The following UMODL1 variants were observed in gnomAD, a reference collection of about 807,000 sequenced individuals.
UMODL1 encodes uromodulin-like 1.
In UMODL1, 128 loss-of-function variants were observed where a neutral mutation model predicts 136.3. The observed-to-expected ratio is 0.94, with a 90% CI of 0.81 to 1.09. The LOEUF (loss-of-function observed/expected upper bound fraction) is 1.09, where lower values mean the gene tolerates loss of function less well. Among genes scored for constraint, UMODL1 ranks in the 50% least tolerant of loss-of-function variants. The pLI is 0.00. For missense variants in UMODL1, 1,766 were observed against 1,725.6 expected (o/e 1.02, Z -0.41); for synonymous variants, 721 against 720.0 (o/e 1.00, Z -0.02).
At chr21:42,106,603 G>A (rs546031907) in intron 9 of UMODL1, among the ~76,000 whole-genome samples, 1 of 152,298 alleles carries the variant, frequency 6.6e-6, no homozygotes, top group East Asian at 1.9e-4. Context: ...GGGCTGTGTA[G>A]GTGGCCATGT....
chr21:42,090,467 G>A, intron 6 of UMODL1, 29 bp downstream of exon 6: 2 of 1,611,432 alleles, frequency 1.2e-6, no homozygotes, highest in Non-Finnish European at 1.7e-6. Context: ...CAGATGGCAT[G>A]GGAATGGCTT....
rs1307503663 is a variant in UMODL1 at position 42,109,574 on chromosome 21, G to A, written c.1532G>A (p.Cys511Tyr). 87 of 1,611,600 alleles carry A rather than the reference G, an allele frequency of 5.4e-5. No individual in the cohort carries two copies. The highest frequency in any genetic ancestry group is 7.1e-5 in the Non-Finnish European group (84 of 1,180,014). Residue 511 changes from cysteine to tyrosine, a missense_variant, in exon 10 of 23, where the codon TGT becomes TAT. Coordinates refer to ENST00000408910, the MANE Select transcript of UMODL1 (RefSeq NM_001004416.3). The stretch of plus-strand genomic sequence containing the variant: ...CTCCCCCTGGCAGACTGGGACGAGT[G>A]TGTGGACAGCGCGGAACACGACTGC... ...QGTRVQDWDE[C>Y]VDSAEHDCSP...
chr21:42,074,188 G>A (rs1214581251), intron 1 of UMODL1, among the ~76,000 whole-genome samples: 2 of 152,140 alleles, frequency 1.3e-5, no homozygotes, highest in African/African-American at 2.4e-5. Context: ...TCTCTGCTCC[G>A]GGCCTCCAGC....
At chr21:42,109,080 G>GAC (rs1390820014) in intron 9 of UMODL1, among the ~76,000 whole-genome samples, 3 of 138,534 alleles carry the variant, frequency 2.2e-5, no homozygotes, top group Non-Finnish European at 4.7e-5. Context: ...TACTCCGCTG[G>GAC]ACCCCCACCC....
chr21:42,113,866 A>G, intron 13 of UMODL1, 36 bp downstream of exon 13: 1 of 1,589,644 alleles, frequency 6.3e-7, no homozygotes, highest in Non-Finnish European at 8.6e-7. Context: ...AGAGAGGAAC[A>G]AAAAGTATGA....
At chr21:42,132,180 A>G (rs958332135) in intron 21 of UMODL1, among the ~76,000 whole-genome samples, 3 of 151,770 alleles carry the variant, frequency 2.0e-5, no homozygotes, top group African/African-American at 7.3e-5. Context: ...TCATCTATCC[A>G]TCTATCATCC....
At chr21:42,094,110 C>T in intron 6 of UMODL1, 1 of 384,702 alleles carries the variant, frequency 2.6e-6, no homozygotes. Flanking sequence ...TTGGCAGTCA[C>T]ACTCTGCCGT....
rs2067111973 is a variant in UMODL1, at chr21:42,129,931, A to G, written c.3775+134A>G. The G allele has an allele frequency of 7.8e-6, 5 of 640,208 alleles. No homozygotes were observed. In the South Asian group the frequency reaches 1.3e-4, roughly 17 times the overall value. The allele number at this position is 640,208 out of a possible 1,614,324, so 39.7% of individuals were successfully genotyped here. A position where few individuals can be genotyped will look rare whatever the true frequency, so the allele number is the denominator to read the frequency against. ...ACTTCTAAGAGGCTTATCATAACAG[A>G]AATACTCATAGTTAGTATTCACTGA... On this transcript the variant is annotated intron_variant, in intron 21 of 22. Coordinates refer to ENST00000408910, the MANE Select transcript of UMODL1 (RefSeq NM_001004416.3).
chr21:42,124,278 T>TG (rs1348562144), intron 17 of UMODL1, among the ~76,000 whole-genome samples: 4 of 152,282 alleles, frequency 2.6e-5, no homozygotes, highest in African/African-American at 9.6e-5. Context: ...CACAGGGGCC[T>TG]GGGCCGCATG....
chr21:42,127,454 G>A (rs1389367587), intron 19 of UMODL1, among the ~76,000 whole-genome samples: 2 of 152,234 alleles, frequency 1.3e-5, no homozygotes, highest in Non-Finnish European at 2.9e-5. Context: ...CCATTGCCTG[G>A]CCTTGCTGTG....
intron 1 of UMODL1, among the ~76,000 whole-genome samples, chr21:42,075,398 T>C (rs1011706910): frequency 2.0e-5 from 3 of 152,138 alleles, no homozygotes; most frequent in Non-Finnish European, 2.9e-5. Flanking sequence ...CTCACACACT[T>C]GCCACAGAGC....
At position 42,127,227 on chromosome 21, in the gene UMODL1, G is replaced by C; in HGVS notation, c.3515G>C (p.Ser1172Thr). The change falls in exon 19 of 23, where the codon AGC becomes ACC. Residue 1172 changes from serine to threonine, a missense_variant. Transcript: ENST00000408910. ...SSNARDPITF[S>T]FINNSCPVPN... is the part of the protein sequence containing the mutation. ...AACGCCCGGGACCCCATCACCTTCA[G>C]CTTCATTAACAACAGGTAGGGCTCA... The C allele has an allele frequency of 2.5e-6, 4 of 1,614,124 alleles. No homozygotes were observed. Among genetic ancestry groups the C allele is most frequent in the Non-Finnish European group, 3.4e-6 (4 of 1,180,028 alleles).
intron 14 of UMODL1, among the ~76,000 whole-genome samples, chr21:42,118,368 C>G (rs1023606767): frequency 3.3e-5 from 5 of 152,220 alleles, no homozygotes; most frequent in Non-Finnish European, 7.3e-5. Context: ...GGCCTTGAGC[C>G]ATCGCACCTG....
chr21:42,134,423 G>T (rs2067175819), intron 21 of UMODL1, among the ~76,000 whole-genome samples: 1 of 152,042 alleles, frequency 6.6e-6, no homozygotes, highest in Non-Finnish European at 1.5e-5. Context: ...GTGCTAAAAG[G>T]CCAAGAAATT....
At chr21:42,069,243 C>T (rs1307229292), upstream of UMODL1, among the ~76,000 whole-genome samples, 1 of 146,522 alleles carries the variant, frequency 6.8e-6, no homozygotes, top group Non-Finnish European at 1.5e-5. Context: ...CACACACACA[C>T]ACACACACAC....
At chr21:42,071,304 C>G, upstream of UMODL1, 1 of 1,560,880 alleles carries the variant, frequency 6.4e-7, no homozygotes, top group South Asian at 1.2e-5. Context: ...TGTACTGCCA[C>G]CACTGCCGGA....
rs2066995456 is a variant in UMODL1 at position 42,122,885 on chromosome 21, C to T, written c.2882C>T (p.Thr961Ile). The change falls in exon 17 of 23, where the codon ACA (threonine) becomes ATA (isoleucine). Residue 961 changes from threonine (T) to isoleucine (I), a missense_variant. Transcript: ENST00000408910. The surrounding 1 kb of genome is among the most constrained non-coding windows in gnomAD (Gnocchi z 4.3). ...ACCAGCCCAGAGAGGCCTCTCACCACAGCAGGGACCAAGGCTGCCTTTGTG... is the reference window on the plus strand; with the variant it reads ...ACCAGCCCAGAGAGGCCTCTCACCATAGCAGGGACCAAGGCTGCCTTTGTG... ...WATSPERPLT[T>I]AGTKAAFVQG... is the part of the protein sequence containing the mutation. 5 of 1,613,514 alleles carry T rather than the reference C, an allele frequency of 3.1e-6. No homozygotes were observed. Among genetic ancestry groups the T allele is most frequent in the Non-Finnish European group, 2.5e-6 (3 of 1,179,776 alleles).
intron 21 of UMODL1, among the ~76,000 whole-genome samples, chr21:42,135,456 A>G (rs955061820): frequency 4.6e-5 from 7 of 152,222 alleles, no homozygotes; most frequent in Non-Finnish European, 1.0e-4. Context: ...AGAGGTGGCA[A>G]CTGAACAGGG....
Position 42,119,235 on chromosome 21 carries a change from TGGATGTCCA to T in UMODL1, c.2604_2612del (p.Asp868_Gln870del). The stretch of plus-strand genomic sequence containing the variant: ...TTTCACTTGCTGATAATCGCAGATG[TGGATGTCCA>T]GGAGGTGTCAGCTGCATTTCTCACC... On this transcript the variant is annotated inframe_deletion, in exon 15 of 23. Transcript: ENST00000408910. 6.2e-7 allele frequency: 1 copy of T among 1,614,222 alleles called. No homozygotes were observed. Among genetic ancestry groups the T allele is most frequent in the Non-Finnish European group, 8.5e-7 (1 of 1,180,036 alleles).
Sources: allele counts gnomAD v4.1 joint callset (sites outside exome capture counted in the v4.1 genomes callset), GRCh38; gene constraint gnomAD v4.1.1; non-coding constraint Gnocchi (gnomAD v3.1); transcripts MANE v1.5; gene names NCBI Gene and HGNC (gene_info 2026-07-23, HGNC 2026-07-21).